The following EPB41L3 variants were observed in gnomAD, a reference collection of about 807,000 sequenced individuals.
The protein encoded by EPB41L3 is band 4.1-like protein 3.
EPB41L3 carries 57 observed loss-of-function variants against 127.1 expected under a neutral mutation model. The ratio of observed to expected loss-of-function variants is 0.45; its 90% CI spans 0.36 to 0.56. The LOEUF (loss-of-function observed/expected upper bound fraction) is 0.56. Among genes scored for constraint, EPB41L3 ranks in the 20% least tolerant of loss-of-function variants. The pLI is 0.00. For synonymous variants in EPB41L3, 572 were observed against 549.5 expected (o/e 1.04, Z -0.57); for missense variants, 1,273 against 1,372.2 (o/e 0.93, Z 1.14).
In EPB41L3 at chr18:5,528,098, G is replaced by A. The variant is rs1021189983; in HGVS notation, c.-12+15815C>T. On this transcript the variant is annotated intron_variant, in intron 1 of 22. Transcript: ENST00000341928. ...GGTTATGAGAAACACAAATCCAGAA[G>A]AGTCGCCTCTTCTAAGAGGGAGAGA... Among the ~76,000 whole-genome samples, 12 of 152,338 alleles carry A rather than the reference G, an allele frequency of 7.9e-5. No individual in the cohort carries two copies. The South Asian group carries it at 1.5e-3, about 18-fold the overall frequency.
At chr18:5,508,574 T>C (rs2092346326) in intron 1 of EPB41L3, among the ~76,000 whole-genome samples, 2 of 152,078 alleles carry the variant, frequency 1.3e-5, no homozygotes, top group South Asian at 2.1e-4. Flanking sequence ...GAGACCATCC[T>C]GGCCAACATG....
chr18:5,596,851 A>T (rs2094541675), intron 3 of EPB41L3, among the ~76,000 whole-genome samples: 1 of 152,146 alleles, frequency 6.6e-6, no homozygotes, highest in African/African-American at 2.4e-5. Context: ...TTTTTCCATA[A>T]GCCTTTTAAA....
At chr18:5,474,031 A>G (rs1456396681) in intron 3 of EPB41L3, among the ~76,000 whole-genome samples, 1 of 152,066 alleles carries the variant, frequency 6.6e-6, no homozygotes. Flanking sequence ...GGAGATCGAG[A>G]CCATCTTGGC....
intron 6 of EPB41L3, among the ~76,000 whole-genome samples, chr18:5,437,809 G>C (rs2080081785): frequency 1.3e-5 from 2 of 152,164 alleles, no homozygotes; most frequent in African/African-American, 4.8e-5. Context: ...TTTCCCACCA[G>C]GGTCAAGCAG....
chr18:5,497,972 C>A (rs1192271317), intron 1 of EPB41L3, among the ~76,000 whole-genome samples: 1 of 152,150 alleles, frequency 6.6e-6, no homozygotes, highest in Non-Finnish European at 1.5e-5. Flanking sequence ...ATCACTGATG[C>A]TGCCATTATC....
intron 11 of EPB41L3, among the ~76,000 whole-genome samples, chr18:5,420,596 C>T (rs190226153): frequency 6.6e-6 from 1 of 152,242 alleles, no homozygotes; most frequent in East Asian, 1.9e-4. Flanking sequence ...TTTGGGAAAA[C>T]ACAATGAATG....
intron 3 of EPB41L3, among the ~76,000 whole-genome samples, chr18:5,584,241 A>T (rs2094422765): frequency 6.6e-6 from 1 of 152,230 alleles, no homozygotes; most frequent in Non-Finnish European, 1.5e-5. Flanking sequence ...TACCTCTGAG[A>T]TTAAATCCCT....
rs371655339 is a variant in EPB41L3 at position 5,397,969 on chromosome 18, G to T, written c.2472+52C>A. ...CACTCACGCCCAAAAAAAGGGTAAG[G>T]AAAGGCACATGGGCACATTCAGAAA... On this transcript the variant is annotated intron_variant, in intron 17 of 22. Transcript: ENST00000341928. This position sits in a 1 kb window ranked among gnomAD's most constrained non-coding sequence, Gnocchi z 4.1. 2.1e-5 allele frequency: 34 copies of T among 1,612,000 alleles called. No homozygotes were observed. Among genetic ancestry groups the T allele is most frequent in the Non-Finnish European group, 2.7e-5 (32 of 1,179,042 alleles).
At chr18:5,412,686 G>C (rs1314805376) in intron 13 of EPB41L3, among the ~76,000 whole-genome samples, 1 of 152,094 alleles carries the variant, frequency 6.6e-6, no homozygotes, top group Non-Finnish European at 1.5e-5. Context: ...GTCGTTAAGA[G>C]GGAAAGGTTT....
At chr18:5,428,944 C>T (rs59463599) in intron 8 of EPB41L3, among the ~76,000 whole-genome samples, 1 of 152,138 alleles carries the variant, frequency 6.6e-6, no homozygotes. Flanking sequence ...TTAACCAACA[C>T]GTATGCTAAC....
chr18:5,476,552 T>C (rs919475021), intron 3 of EPB41L3, among the ~76,000 whole-genome samples: 2 of 152,200 alleles, frequency 1.3e-5, no homozygotes, highest in African/African-American at 4.8e-5. Flanking sequence ...TAAACTTTCT[T>C]CTAGACTCTT....
intron 9 of EPB41L3, among the ~76,000 whole-genome samples, chr18:5,427,283 T>C (rs191683239): frequency 5.8e-4 from 89 of 152,350 alleles, no homozygotes; most frequent in African/African-American, 2.1e-3. Context: ...GATATAAGTA[T>C]GCTAGAATCT....
At chr18:5,398,929 A>T in intron 16 of EPB41L3, 1 of 399,086 alleles carries the variant, frequency 2.5e-6, no homozygotes, top group Non-Finnish European at 4.4e-6. Flanking sequence ...GGGGCCAGGG[A>T]TTCGGACAAT....
At chr18:5,514,155 T>C (rs141414291) in intron 1 of EPB41L3, among the ~76,000 whole-genome samples, 23 of 152,330 alleles carry the variant, frequency 1.5e-4, no homozygotes, top group Non-Finnish European at 1.0e-4. Flanking sequence ...TACTTCAGTA[T>C]GAAACACTTG....
rs755477005 is a variant in EPB41L3 at position 5,416,196 on chromosome 18, C to T, written c.1689G>A (p.Arg563=). 26 of 1,614,046 alleles carry T rather than the reference C, an allele frequency of 1.6e-5. No homozygotes were observed. In the Admixed American group the frequency reaches 4.2e-4, roughly 26 times the overall value. ...CCACATCTTGATCCCCTAGGTAAGG[C>T]CTCCCTGGGCCATCAGAGTCCAAGG... ...EPALDSDGPG[R]PYLGDQDVAF... The change falls in exon 13 of 23, where the codon AGG becomes AGA. Residue 563 remains arginine, a synonymous_variant. Transcript: ENST00000341928.
intron 1 of EPB41L3, among the ~76,000 whole-genome samples, chr18:5,542,481 C>G (rs371257095): frequency 3.1e-4 from 47 of 152,172 alleles, no homozygotes; most frequent in Admixed American, 3.9e-4. Flanking sequence ...TCCCCACCCC[C>G]CCTCAACAAA....
rs1172989013 is a variant in EPB41L3, at chr18:5,397,394, T to C, written c.2505A>G (p.Ile835Met). Residue 835 changes from isoleucine to methionine, a missense_variant, in exon 18 of 23, where the codon ATA (isoleucine) becomes ATG (methionine). Transcript: ENST00000341928. This position sits in a 1 kb window ranked among gnomAD's most constrained non-coding sequence, Gnocchi z 4.1. ...GGTGGTGCACGGTGGGTTCCGTCTC[T>C]ATTCCACTGGACTCCGTCTTGGTTT... is the stretch of plus-strand genomic sequence containing the variant. ...KMETKTESSGIETEPTVHHLP... is the reference protein window; with the variant it reads ...KMETKTESSGMETEPTVHHLP... The C allele has an allele frequency of 1.2e-6, 2 of 1,613,386 alleles. No homozygotes were observed. Among genetic ancestry groups the C allele is most frequent in the East Asian group, 4.5e-5 (2 of 44,876 alleles).
intron 16 of EPB41L3, chr18:5,400,045 G>A (rs1310669932): frequency 6.4e-6 from 1 of 155,570 alleles, no homozygotes; most frequent in Non-Finnish European, 1.4e-5. Context: ...GTCTCCCTAT[G>A]TTGCCCAGGT....
intron 1 of EPB41L3, among the ~76,000 whole-genome samples, chr18:5,498,551 A>C (rs1237823529): frequency 6.7e-6 from 1 of 148,326 alleles, no homozygotes; most frequent in African/African-American, 2.5e-5. Context: ...CCGAGATAGC[A>C]CCACTGAACT....
Sources: allele counts gnomAD v4.1 joint callset (sites outside exome capture counted in the v4.1 genomes callset), GRCh38; gene constraint gnomAD v4.1.1; non-coding constraint Gnocchi (gnomAD v3.1); transcripts MANE v1.5; gene names NCBI Gene and HGNC (gene_info 2026-07-23, HGNC 2026-07-21).